The following GALNT7 variants were observed in gnomAD, a reference collection of about 807,000 sequenced individuals.
GALNT7 encodes polypeptide N-acetylgalactosaminyltransferase 7.
A neutral mutation model predicts 82.1 loss-of-function variants in GALNT7; 60 were observed. That is an observed-to-expected ratio of 0.73 (90% CI 0.59 to 0.91). GALNT7 has a LOEUF of 0.91. Among genes scored for constraint, GALNT7 ranks in the 40% least tolerant of loss-of-function variants. GALNT7 has a pLI of 0.00. For synonymous variants in GALNT7, 243 were observed against 275.1 expected, an observed-to-expected ratio of 0.88 and a Z score of 1.15; for missense variants, 660 against 804.2, an observed-to-expected ratio of 0.82 and a Z score of 2.17.
chr4:173,175,622 G>C (rs540992975), intron 1 of GALNT7, among the ~76,000 whole-genome samples: 49 of 152,346 alleles, frequency 3.2e-4, no homozygotes, highest in African/African-American at 9.4e-4. Flanking sequence ...TTCAGCTTAC[G>C]ATTTTTGACT....
chr4:173,215,376 G>A (rs1239534787), intron 1 of GALNT7, among the ~76,000 whole-genome samples: 7 of 151,914 alleles, frequency 4.6e-5, no homozygotes, highest in African/African-American at 7.3e-5. Flanking sequence ...GATTACAGGC[G>A]TGTGCCACCA....
Position 173,217,319 on chromosome 4 carries a change from G to A in GALNT7, c.127-30661G>A, listed in dbSNP as rs187539204. Among the ~76,000 whole-genome samples, 16 of 152,218 alleles carry A rather than the reference G, an allele frequency of 1.1e-4. No individual in the cohort carries two copies. The East Asian group carries it at 3.1e-3, about 29-fold the overall frequency. ...GGGTGTGTCGCTTGTTCATGGTGGG[G>A]ACAAGGTTGTCAGTGAGGATAGCTT... On this transcript the variant is annotated intron_variant, in intron 1 of 11. Transcript: ENST00000265000.
At chr4:173,298,032 T>A in intron 5 of GALNT7, 83 bp from the exon 6 acceptor site, 1 of 1,554,496 alleles carries the variant, frequency 6.4e-7, no homozygotes, top group Non-Finnish European at 8.7e-7. Flanking sequence ...GTTCTTTTTT[T>A]TTTCTTCCCC....
intron 2 of GALNT7, among the ~76,000 whole-genome samples, chr4:173,289,197 A>G (rs894416819): frequency 6.6e-6 from 1 of 152,126 alleles, no homozygotes; most frequent in South Asian, 2.1e-4. Flanking sequence ...GGATTGGAAT[A>G]GACAAGAAAC....
intron 1 of GALNT7, among the ~76,000 whole-genome samples, chr4:173,194,884 AT>A (rs1732732572): frequency 6.6e-6 from 1 of 152,152 alleles, no homozygotes; most frequent in Non-Finnish European, 1.5e-5. Flanking sequence ...TTCAGACTGA[AT>A]CCTGAAAATG....
intron 2 of GALNT7, among the ~76,000 whole-genome samples, chr4:173,258,562 T>C (rs1181637180): frequency 6.6e-6 from 1 of 152,224 alleles, no homozygotes. Flanking sequence ...ATCAGCAGCA[T>C]CACTGTCCCT....
chr4:173,247,344 A>T (rs996164430), intron 1 of GALNT7, among the ~76,000 whole-genome samples: 1 of 150,330 alleles, frequency 6.7e-6, no homozygotes, highest in Admixed American at 6.7e-5. Flanking sequence ...GAATGGGGCA[A>T]ACTAGATATG....
At chr4:173,202,529 C>CT in intron 1 of GALNT7, among the ~76,000 whole-genome samples, 1 of 152,198 alleles carries the variant, frequency 6.6e-6, no homozygotes, top group Admixed American at 6.5e-5. Flanking sequence ...CCTCTTCACT[C>CT]TTTTCTGTCT....
At chr4:173,230,028 T>C (rs1733975997) in intron 1 of GALNT7, among the ~76,000 whole-genome samples, 1 of 152,168 alleles carries the variant, frequency 6.6e-6, no homozygotes, top group Non-Finnish European at 1.5e-5. Context: ...ACCTTCATTA[T>C]ACCAGGTAAA....
At position 173,285,288 on chromosome 4, in the gene GALNT7, A is replaced by G. The variant is rs184319935; in HGVS notation, c.588-6820A>G. ...ATAATGGTAACTCTTAGCGATTTTT[A>G]ACTTTAATGTAAAGCCTGGTAAGTT... On this transcript the variant is annotated intron_variant, in intron 2 of 11. Transcript: ENST00000265000. Among the ~76,000 whole-genome samples, 280 of 152,336 alleles carry G rather than the reference A, an allele frequency of 1.8e-3. 2 individuals carry two copies. Among genetic ancestry groups the G allele is most frequent in the Middle Eastern group, 3.4e-3 (1 of 294 alleles).
At chr4:173,270,209 G>GT (rs1336027993) in intron 2 of GALNT7, among the ~76,000 whole-genome samples, 1 of 152,128 alleles carries the variant, frequency 6.6e-6, no homozygotes, top group Non-Finnish European at 1.5e-5. Context: ...CAGGGGAAAT[G>GT]TTTTTCCCTT....
chr4:173,180,457 AGCTGGGATTACAG>A (rs1334578518), intron 1 of GALNT7, among the ~76,000 whole-genome samples: 1 of 151,292 alleles, frequency 6.6e-6, no homozygotes, highest in Non-Finnish European at 1.5e-5. Flanking sequence ...CCTCCTGAGT[AGCTGGGATTACAG>A]GCGCCCACAA....
chr4:173,210,107 C>G (rs1353148602), intron 1 of GALNT7, among the ~76,000 whole-genome samples: 2 of 151,744 alleles, frequency 1.3e-5, no homozygotes, highest in Admixed American at 1.3e-4. Flanking sequence ...GCACTCCAGC[C>G]TGGGCAACAG....
chr4:173,177,268 T>C (rs1050701684), intron 1 of GALNT7, among the ~76,000 whole-genome samples: 8 of 152,034 alleles, frequency 5.3e-5, no homozygotes, highest in Admixed American at 5.2e-4. Context: ...CTTTGAGGAG[T>C]GCCAGTCTAG....
chr4:173,271,215 T>C (rs1046473636), intron 2 of GALNT7, among the ~76,000 whole-genome samples: 2 of 152,236 alleles, frequency 1.3e-5, no homozygotes, highest in Non-Finnish European at 2.9e-5. Context: ...TTATTTTTTA[T>C]GAGAATAAAG....
intron 8 of GALNT7, among the ~76,000 whole-genome samples, chr4:173,309,088 C>T (rs1737275434): frequency 6.6e-6 from 1 of 151,996 alleles, no homozygotes; most frequent in African/African-American, 2.4e-5. Flanking sequence ...AAAAACAAAA[C>T]ATTGGTTTTT....
chr4:173,217,797 G>A (rs1183163340), intron 1 of GALNT7, among the ~76,000 whole-genome samples: 1 of 152,186 alleles, frequency 6.6e-6, no homozygotes, highest in Non-Finnish European at 1.5e-5. Flanking sequence ...GTGAGAAACA[G>A]ATATTTTGCA....
intron 1 of GALNT7, among the ~76,000 whole-genome samples, chr4:173,179,895 A>G (rs2126626465): frequency 6.6e-6 from 1 of 152,346 alleles, no homozygotes; most frequent in South Asian, 2.1e-4. Flanking sequence ...GTCAGTACTT[A>G]CTGCTGTACT....
intron 3 of GALNT7, among the ~76,000 whole-genome samples, chr4:173,294,191 CA>C (rs1042538456): frequency 1.5e-4 from 23 of 150,788 alleles, no homozygotes; most frequent in African/African-American, 5.4e-4. Flanking sequence ...CTTGTATATG[CA>C]AAAAATCCTC....
Sources: allele counts gnomAD v4.1 joint callset (sites outside exome capture counted in the v4.1 genomes callset), GRCh38; gene constraint gnomAD v4.1.1; transcripts MANE v1.5; gene names NCBI Gene and HGNC (gene_info 2026-07-23, HGNC 2026-07-21).